ZFAND3: variants seen among roughly 807,000 people sequenced by gnomAD.
ZFAND3 encodes AN1-type zinc finger protein 3.
Under a neutral mutation model 29.6 loss-of-function variants are expected in ZFAND3, and 10 were observed. That is an observed-to-expected ratio of 0.34 (90% confidence interval 0.21 to 0.57). The LOEUF is 0.57. Ranked by LOEUF, ZFAND3 falls within the 20% of genes least tolerant of loss-of-function variation. The pLI is 0.86. For missense variants in ZFAND3, 230 were observed against 304.5 expected, an observed-to-expected ratio of 0.76 and a Z score of 1.82; for synonymous variants, 128 against 112.6, an observed-to-expected ratio of 1.14 and a Z score of -0.87.
At chr6:38,048,109 G>T (rs1763942951) in intron 2 of ZFAND3, among the ~76,000 whole-genome samples, 1 of 151,808 alleles carries the variant, frequency 6.6e-6, no homozygotes, top group South Asian at 2.1e-4. Context: ...GGGCTCAGGT[G>T]ATCCTCCTAC....
chr6:37,975,287 A>G (rs547508193), intron 2 of ZFAND3, among the ~76,000 whole-genome samples: 2 of 151,982 alleles, frequency 1.3e-5, no homozygotes, highest in Non-Finnish European at 2.9e-5. Context: ...TCTTTGTTCA[A>G]CCGTTGAAAT....
intron 2 of ZFAND3, among the ~76,000 whole-genome samples, chr6:38,019,277 A>G (rs980266143): frequency 6.6e-6 from 1 of 152,192 alleles, no homozygotes; most frequent in Non-Finnish European, 1.5e-5. Flanking sequence ...TGTTAAAATG[A>G]TATCTTATTT....
chr6:37,985,525 A>ACCCC (rs1554164919), intron 2 of ZFAND3, among the ~76,000 whole-genome samples: 5 of 147,680 alleles, frequency 3.4e-5, no homozygotes, highest in Non-Finnish European at 7.5e-5. Flanking sequence ...ACACACACAC[A>ACCCC]CACCCCCACA....
At chr6:38,115,915 C>T (rs888657554) in intron 4 of ZFAND3, among the ~76,000 whole-genome samples, 18 of 152,134 alleles carry the variant, frequency 1.2e-4, no homozygotes, top group African/African-American at 2.4e-5. Flanking sequence ...TGCTGCTGCA[C>T]CACCCCATGG....
intron 1 of ZFAND3, among the ~76,000 whole-genome samples, chr6:37,873,397 C>G (rs956604537): frequency 1.3e-5 from 2 of 152,252 alleles, no homozygotes; most frequent in African/African-American, 4.8e-5. Flanking sequence ...AAACACAGCC[C>G]TAATTCATAC....
At chr6:38,123,753 C>T (rs1041047938) in intron 5 of ZFAND3, among the ~76,000 whole-genome samples, 4 of 152,028 alleles carry the variant, frequency 2.6e-5, no homozygotes, top group South Asian at 2.1e-4. Flanking sequence ...GTGATGTGTC[C>T]GGAGTTTGTT....
intron 1 of ZFAND3, among the ~76,000 whole-genome samples, chr6:37,846,806 G>A (rs1764188201): frequency 6.6e-6 from 1 of 151,506 alleles, no homozygotes; most frequent in South Asian, 2.1e-4. Context: ...CCGCCGCCCA[G>A]GTTCAAGCAA....
At chr6:38,024,547 G>A (rs904444014) in intron 2 of ZFAND3, among the ~76,000 whole-genome samples, 1 of 151,990 alleles carries the variant, frequency 6.6e-6, no homozygotes, top group Non-Finnish European at 1.5e-5. Flanking sequence ...GTGGCAGGCA[G>A]CAGCCTATTT....
intron 2 of ZFAND3, among the ~76,000 whole-genome samples, chr6:38,004,560 CACGAAT>C (rs1351342503): frequency 8.8e-5 from 12 of 136,888 alleles, no homozygotes; most frequent in Non-Finnish European, 1.8e-4. Context: ...CACACACACA[CACGAAT>C]GAATAAGTAG....
At chr6:38,143,726 A>G (rs1766010647) in intron 5 of ZFAND3, among the ~76,000 whole-genome samples, 1 of 152,136 alleles carries the variant, frequency 6.6e-6, no homozygotes, top group Admixed American at 6.5e-5. Flanking sequence ...TGGGCAGCTG[A>G]CTTCTGTCCA....
intron 5 of ZFAND3, among the ~76,000 whole-genome samples, chr6:38,138,417 A>AT (rs35333481): frequency 0.32 from 48,324 of 149,662 alleles, 8,199 homozygotes; most frequent in Non-Finnish European, 0.39. Flanking sequence ...TCTCAGGTCA[A>AT]TTTTTTTTTT....
chr6:38,023,592 T>C (rs35142414), intron 2 of ZFAND3, among the ~76,000 whole-genome samples: 10,494 of 152,272 alleles, frequency 0.069, 431 homozygotes, highest in Non-Finnish European at 0.087. Flanking sequence ...CTAAGCTACC[T>C]GTAATCTGAC....
intron 3 of ZFAND3, 30 bp from the exon 4 acceptor site, chr6:38,082,362 T>A: frequency 6.2e-7 from 1 of 1,605,086 alleles, no homozygotes; most frequent in Non-Finnish European, 8.5e-7. Flanking sequence ...GGATGTGTCC[T>A]GACTGATGCA....
intron 4 of ZFAND3, among the ~76,000 whole-genome samples, chr6:38,089,689 A>C: frequency 6.6e-6 from 1 of 152,102 alleles, no homozygotes; most frequent in South Asian, 2.1e-4. Flanking sequence ...TAATACCTAC[A>C]CTTGTGTGTT....
At chr6:37,924,088 C>T (rs865909952) in intron 1 of ZFAND3, among the ~76,000 whole-genome samples, 5 of 151,936 alleles carry the variant, frequency 3.3e-5, no homozygotes, top group South Asian at 2.1e-4. Flanking sequence ...TTTCTCACTC[C>T]GTGTCATTAG....
chr6:37,910,837 G>T (rs1331010712), intron 1 of ZFAND3, among the ~76,000 whole-genome samples: 2 of 152,114 alleles, frequency 1.3e-5, no homozygotes, highest in African/African-American at 2.4e-5. Context: ...TTAACATGAT[G>T]TCCTCCAGGT....
At chr6:38,028,594 T>A (rs1369077752) in intron 2 of ZFAND3, among the ~76,000 whole-genome samples, 2 of 152,200 alleles carry the variant, frequency 1.3e-5, no homozygotes, top group African/African-American at 4.8e-5. Context: ...GATCCAGGGG[T>A]AGTGTCCCAT....
chr6:38,077,409 T>A (rs1460726318), intron 3 of ZFAND3, among the ~76,000 whole-genome samples: 1 of 152,112 alleles, frequency 6.6e-6, no homozygotes, highest in Admixed American at 6.5e-5. Flanking sequence ...CTTTAGTTGA[T>A]AAAATAATTA....
At chr6:37,832,644 C>G (rs1036394513) in intron 1 of ZFAND3, among the ~76,000 whole-genome samples, 4 of 152,100 alleles carry the variant, frequency 2.6e-5, no homozygotes, top group African/African-American at 9.7e-5. Context: ...CAGTTTCTTG[C>G]TTTGCTTTGC....
Sources: allele counts gnomAD v4.1 joint callset (sites outside exome capture counted in the v4.1 genomes callset), GRCh38; gene constraint gnomAD v4.1.1; transcripts MANE v1.5; gene names NCBI Gene and HGNC (gene_info 2026-07-23, HGNC 2026-07-21).